KHDC1: variants seen among roughly 807,000 people sequenced by gnomAD.
KHDC1 encodes the protein KH domain containing 1.
A neutral mutation model predicts 24.7 loss-of-function variants in KHDC1; 21 were observed. That is an observed-to-expected ratio of 0.85 (90% CI 0.60 to 1.23). KHDC1 has a LOEUF of 1.23. KHDC1 is among the 50% of genes most tolerant of loss of function. The probability of loss-of-function intolerance (pLI) is 0.00; values close to 1 mark genes in which losing one functional copy is unlikely to be tolerated. For missense variants in KHDC1, 274 were observed against 298.5 expected (o/e 0.92, Z 0.61); for synonymous variants, 98 against 111.7 (o/e 0.88, Z 0.77).
At chr6:73,290,826 A>AACCT (rs556653201) in intron 2 of KHDC1, 8 of 330,270 alleles carry the variant, frequency 2.4e-5, no homozygotes, top group South Asian at 2.2e-4. Flanking sequence ...TTCTTATGGT[A>AACCT]ACCTACCTAC....
intron 2 of KHDC1, among the ~76,000 whole-genome samples, chr6:73,260,491 CAA>C (rs1214738082): frequency 1.3e-5 from 2 of 151,858 alleles, no homozygotes; most frequent in East Asian, 1.9e-4. Context: ...AACTATTATG[CAA>C]AAAAAGTTTC....
chr6:73,282,087 A>G (rs1479420128), intron 2 of KHDC1, among the ~76,000 whole-genome samples: 4 of 151,034 alleles, frequency 2.6e-5, no homozygotes, highest in Non-Finnish European at 4.4e-5. Context: ...GCGTGGTGGC[A>G]TGCGCCTGTA....
chr6:73,241,937 G>T, intron 4 of KHDC1, 118 bp downstream of exon 3: 1 of 1,204,902 alleles, frequency 8.3e-7, no homozygotes, highest in Non-Finnish European at 1.2e-6. Flanking sequence ...AATGGACTCT[G>T]GGAAGCACTT....
Position 73,249,652 on chromosome 6 carries a change from T to A in KHDC1, c.207-7122A>T, listed in dbSNP as rs544540272. Among the ~76,000 whole-genome samples, 11 of 152,322 alleles carry A rather than the reference T, an allele frequency of 7.2e-5. No homozygotes were observed. In the East Asian group the frequency reaches 2.1e-3, roughly 29 times the overall value. Reference sequence around the variant, plus strand: ...GCCCTGGTGCTCTTAGCTTTGCCTGTCTCTGCTGGATGTGGACTCACAGAA... The same window carrying A: ...GCCCTGGTGCTCTTAGCTTTGCCTGACTCTGCTGGATGTGGACTCACAGAA... On this transcript the variant is annotated intron_variant, in intron 2 of 4. Transcript: ENST00000370384.
intron 2 of KHDC1, among the ~76,000 whole-genome samples, chr6:73,246,103 G>A (rs1766660100): frequency 6.6e-6 from 1 of 152,124 alleles, no homozygotes; most frequent in Non-Finnish European, 1.5e-5. Flanking sequence ...TTTCACAAGA[G>A]GTCAGAAAAA....
intron 1 of KHDC1, among the ~76,000 whole-genome samples, chr6:73,294,146 C>T (rs1767717241): frequency 6.6e-6 from 1 of 152,048 alleles, no homozygotes; most frequent in Non-Finnish European, 1.5e-5. Context: ...CATCTTCTGC[C>T]CACTTTTACT....
intron 2 of KHDC1, among the ~76,000 whole-genome samples, chr6:73,253,165 T>C (rs1465857657): frequency 2.0e-5 from 3 of 152,164 alleles, no homozygotes; most frequent in Non-Finnish European, 2.9e-5. Flanking sequence ...TACACCCACA[T>C]ATATGCATAG....
chr6:73,286,229 G>T (rs1342736860), intron 2 of KHDC1, among the ~76,000 whole-genome samples: 2 of 152,058 alleles, frequency 1.3e-5, no homozygotes, highest in African/African-American at 2.4e-5. Flanking sequence ...TTTGTGTGGG[G>T]TTTTTTTAAG....
intron 1 of KHDC1, among the ~76,000 whole-genome samples, chr6:73,294,114 TCGAGA>T (rs67035763): frequency 0.069 from 10,517 of 151,920 alleles, 377 homozygotes; most frequent in East Asian, 0.13. Context: ...CAAGACTGTC[TCGAGA>T]CAAAACAAAA....
chr6:73,281,445 G>A (rs781295361), intron 2 of KHDC1, among the ~76,000 whole-genome samples: 5 of 149,822 alleles, frequency 3.3e-5, no homozygotes, highest in South Asian at 2.1e-4. Context: ...GTGAAACTCC[G>A]TCTCTACTTA....
intron 2 of KHDC1, among the ~76,000 whole-genome samples, chr6:73,259,645 T>C (rs116013908): frequency 0.014 from 2,078 of 152,284 alleles, 41 homozygotes; most frequent in African/African-American, 0.047. Flanking sequence ...AAGAAAGTCA[T>C]CCTTTAGATT....
intron 2 of KHDC1, among the ~76,000 whole-genome samples, chr6:73,270,890 C>G (rs1323823853): frequency 6.6e-6 from 1 of 151,966 alleles, no homozygotes; most frequent in Non-Finnish European, 1.5e-5. Flanking sequence ...CGGGGTTTTA[C>G]CATCTTGGCC....
intron 2 of KHDC1, among the ~76,000 whole-genome samples, chr6:73,282,216 TAAAA>T (rs34726760): frequency 2.1e-5 from 2 of 96,762 alleles, no homozygotes; most frequent in African/African-American, 3.5e-5. Context: ...AGACTCTGTC[TAAAA>T]AAAAAAAAAA....
exon 1 of KHDC1, chr6:73,309,716 T>C: frequency 6.5e-7 from 1 of 1,550,062 alleles, no homozygotes; most frequent in South Asian, 1.2e-5. Context: ...CGACAGCATT[T>C]CGCGTTTCTG....
chr6:73,253,369 T>A (rs895718948), intron 2 of KHDC1, among the ~76,000 whole-genome samples: 1 of 150,032 alleles, frequency 6.7e-6, no homozygotes, highest in African/African-American at 2.5e-5. Flanking sequence ...CCGGCTAATA[T>A]GGTGAAACCC....
At position 73,265,528 on chromosome 6, in the gene KHDC1, CAAAA is replaced by C. The variant is rs70994179; in HGVS notation, c.207-23002_207-22999del. ...TGGGCAACTGAGCGAGACTCCGTCT[CAAAA>C]AAAAAAAAAAAAAAAAAAAAGTAAC... On this transcript the variant is annotated intron_variant, in intron 2 of 4. Coordinates refer to ENST00000370384, the Ensembl canonical transcript of KHDC1. Among the ~76,000 whole-genome samples the C allele has an allele frequency of 4.5e-3, 333 of 74,534 alleles. 1 individual carries two copies. Among genetic ancestry groups the C allele is most frequent in the Middle Eastern group, 0.011 (1 of 88 alleles). The allele number at this position is 74,534 out of a possible 152,430, so 48.9% of individuals were successfully genotyped here. A position where few individuals can be genotyped will look rare whatever the true frequency, so the allele number is the denominator to read the frequency against.
chr6:73,266,910 C>G (rs1767084436), intron 2 of KHDC1, among the ~76,000 whole-genome samples: 1 of 152,126 alleles, frequency 6.6e-6, no homozygotes, highest in African/African-American at 2.4e-5. Context: ...ATAAAGTAGC[C>G]AAGTGCATTG....
intron 2 of KHDC1, among the ~76,000 whole-genome samples, chr6:73,250,668 C>T (rs1453798413): frequency 1.3e-5 from 2 of 152,238 alleles, no homozygotes; most frequent in South Asian, 4.1e-4. Flanking sequence ...GTCCCTTTTA[C>T]ATACTACTCT....
intron 2 of KHDC1, chr6:73,268,034 C>A: frequency 6.4e-6 from 1 of 157,432 alleles, no homozygotes; most frequent in South Asian, 2.0e-4. Context: ...CGGGGTTTTT[C>A]TCCATGTTGG....
Sources: allele counts gnomAD v4.1 joint callset (sites outside exome capture counted in the v4.1 genomes callset), GRCh38; gene constraint gnomAD v4.1.1; transcripts MANE v1.5; gene names NCBI Gene and HGNC (gene_info 2026-07-23, HGNC 2026-07-21).